The following JPH3 variants were observed in gnomAD, a reference collection of about 807,000 sequenced individuals.
JPH3 encodes the protein junctophilin 3, also known as junctophilin-3.
In JPH3, 11 loss-of-function variants were observed where a neutral mutation model predicts 59.6. That is an observed-to-expected ratio of 0.18 (90% CI 0.12 to 0.31). The LOEUF is 0.31. JPH3 is among the 10% of genes least tolerant of loss of function. JPH3 has a pLI of 1.00. For synonymous variants in JPH3, 673 were observed against 483.6 expected (o/e 1.39, Z -5.14); for missense variants, 1,202 against 1,105.7 (o/e 1.09, Z -1.24).
Position 87,644,433 on chromosome 16 carries a change from C to G in JPH3, c.558C>G (p.Ala186=), listed in dbSNP as rs771818439. 2.5e-6 allele frequency: 4 copies of G among 1,612,056 alleles called. No homozygotes were observed. In the Admixed American group the frequency reaches 5.0e-5, roughly 20 times the overall value. ...ALHPDASPAV[A]GSPAVSRGGF... is the part of the protein sequence containing the mutation. ...ATCCCGACGCCTCTCCGGCGGTGGC[C>G]GGCAGCCCGGCCGTGTCCCGCGGGG... is the stretch of plus-strand genomic sequence containing the variant. The change falls in exon 2 of 5, where the codon GCC becomes GCG. Residue 186 remains alanine (A), a synonymous_variant. Transcript: ENST00000284262.
intron 1 of JPH3, chr16:87,604,154 C>A: frequency 7.3e-7 from 1 of 1,368,748 alleles, no homozygotes; most frequent in South Asian, 1.3e-5. Context: ...CCCATCTGCT[C>A]AGTGAGAGCC....
At chr16:87,637,645 C>A (rs1344375717) in intron 1 of JPH3, among the ~76,000 whole-genome samples, 4 of 152,136 alleles carry the variant, frequency 2.6e-5, no homozygotes, top group Admixed American at 2.6e-4. Flanking sequence ...CTTTCCAGAT[C>A]TGGGACTTTC....
At chr16:87,645,721 G>A (rs900011068) in intron 2 of JPH3, among the ~76,000 whole-genome samples, 1 of 152,194 alleles carries the variant, frequency 6.6e-6, no homozygotes, top group Non-Finnish European at 1.5e-5. Context: ...GTGGGTGCAG[G>A]ATGGGGCCTT....
intron 1 of JPH3, among the ~76,000 whole-genome samples, chr16:87,621,659 G>A (rs776743110): frequency 1.3e-5 from 2 of 152,234 alleles, no homozygotes; most frequent in South Asian, 2.1e-4. Flanking sequence ...GGAAGGCTCC[G>A]GTTGAAGGGC....
intron 1 of JPH3, among the ~76,000 whole-genome samples, chr16:87,641,935 C>T (rs2031967760): frequency 6.6e-6 from 1 of 152,148 alleles, no homozygotes; most frequent in Non-Finnish European, 1.5e-5. Context: ...GGGTGCCGGG[C>T]ATGGGGGCTC....
intron 2 of JPH3, among the ~76,000 whole-genome samples, chr16:87,645,648 C>T (rs982008402): frequency 1.3e-5 from 2 of 152,154 alleles, no homozygotes; most frequent in Non-Finnish European, 2.9e-5. Flanking sequence ...CCTCTAGGCC[C>T]TAAGGAATGG....
In JPH3 at chr16:87,648,653, C is replaced by A. The variant is rs886771146; in HGVS notation, c.1160+3618C>A. Among the ~76,000 whole-genome samples the A allele has an allele frequency of 2.6e-5, 4 of 152,218 alleles. No individual in the cohort carries two copies. In the South Asian group the frequency reaches 8.3e-4, roughly 32 times the overall value. Reference sequence around the variant, plus strand: ...TCCTGCACTGCTAAGGGGACTGGCCCCGGCCCTGGGCTGGGAGAGGGGGAG... The same window carrying A: ...TCCTGCACTGCTAAGGGGACTGGCCACGGCCCTGGGCTGGGAGAGGGGGAG... On this transcript the variant is annotated intron_variant, in intron 2 of 4. Transcript: ENST00000284262.
At position 87,645,038 on chromosome 16, in the gene JPH3, A is replaced by AG. The variant is rs762504094; in HGVS notation, c.1160+5dup. The AG allele has an allele frequency of 6.3e-7, 1 of 1,598,164 alleles. No individual in the cohort carries two copies. The highest frequency in any genetic ancestry group is 2.2e-5 in the East Asian group (1 of 44,808). ...AAGGCTGAGATCGCGGCTTCCAGGTAGGAGGGCGAGGGGGCGGGGGGCCCT... is the reference window on the plus strand; with the variant it reads ...AAGGCTGAGATCGCGGCTTCCAGGTAGGGAGGGCGAGGGGGCGGGGGGCCCT... On this transcript the variant is annotated splice_donor_region_variant and intron_variant, in intron 2 of 4. Coordinates refer to ENST00000284262, the MANE Select transcript of JPH3 (RefSeq NM_020655.4).
intron 2 of JPH3, among the ~76,000 whole-genome samples, chr16:87,650,377 C>T (rs149596398): frequency 2.6e-5 from 4 of 152,306 alleles, no homozygotes; most frequent in Non-Finnish European, 5.9e-5. Flanking sequence ...TCCCCCATCC[C>T]TCTCTCTCCT....
In JPH3 at chr16:87,602,548, A is replaced by ACCGCCGCCACCG. The variant is rs2030265520; in HGVS notation, c.-591_-590insACCGCCGCCGCC. Among the ~76,000 whole-genome samples the ACCGCCGCCACCG allele has an allele frequency of 7.6e-6, 1 of 131,526 alleles. No individual in the cohort carries two copies. The highest frequency in any genetic ancestry group is 1.6e-5 in the Non-Finnish European group (1 of 61,146). 86.3% of individuals were successfully genotyped at this position (131,526 alleles called of 152,430 possible). A position where few individuals can be genotyped will look rare whatever the true frequency, so the allele number is the denominator to read the frequency against. On this transcript the variant is annotated 5_prime_UTR_variant, in exon 1 of 5. Transcript: ENST00000284262. ...GCCCGGAGCGCACGCCGCCGCCGCC[A>ACCGCCGCCACCG]CCGCCGCCGCCGCCGCCCGAGCCGC...
At chr16:87,670,857 G>C (rs1453833590) in intron 2 of JPH3, among the ~76,000 whole-genome samples, 1 of 135,358 alleles carries the variant, frequency 7.4e-6, no homozygotes. Flanking sequence ...GCTTGTATGG[G>C]GGAATGGGGA....
intron 2 of JPH3, among the ~76,000 whole-genome samples, chr16:87,663,720 C>T (rs1450869538): frequency 1.3e-5 from 2 of 152,212 alleles, no homozygotes; most frequent in East Asian, 1.9e-4. Context: ...CCGTCTCTGC[C>T]ACTCTGCACC....
chr16:87,695,305 AAAG>A (rs1195668338), intron 4 of JPH3: 1 of 456,034 alleles, frequency 2.2e-6, no homozygotes, highest in East Asian at 7.0e-5. Context: ...TTGGGGGCTT[AAAG>A]GAGTCCATGG....
intron 2 of JPH3, among the ~76,000 whole-genome samples, chr16:87,681,868 A>G (rs1195139646): frequency 6.6e-6 from 1 of 152,192 alleles, no homozygotes; most frequent in African/African-American, 2.4e-5. Flanking sequence ...TGGGTGCTGC[A>G]GCATGGCTGA....
At chr16:87,691,012 T>TG (rs1449477664) in intron 4 of JPH3, among the ~76,000 whole-genome samples, 2 of 151,404 alleles carry the variant, frequency 1.3e-5, no homozygotes, top group Non-Finnish European at 2.9e-5. Flanking sequence ...CTCTCACCCA[T>TG]GGGGGGTGTT....
At chr16:87,608,467 A>C (rs1864152) in intron 1 of JPH3, among the ~76,000 whole-genome samples, 124,182 of 152,124 alleles carry the variant, frequency 0.82, 51,128 homozygotes, top group Middle Eastern at 0.9. Context: ...TGGTAGCTTC[A>C]TGGCTGTGAG....
Position 87,690,273 on chromosome 16 carries a change from G to C in JPH3, c.1913G>C (p.Gly638Ala), listed in dbSNP as rs781608423. ...RRYSKGGACR[G>A]LGDDHRPEDR... ...TACAGCAAGGGCGGCGCCTGCCGGG[G>C]CTTGGGGGACGACCACCGCCCCGAG... Residue 638 changes from glycine (G) to alanine (A), a missense_variant, in exon 4 of 5, where the codon GGC becomes GCC. By Grantham distance (60) the Gly-to-Ala change is moderately conservative. Coordinates refer to ENST00000284262, the MANE Select transcript of JPH3 (RefSeq NM_020655.4). 85 of 1,602,054 alleles carry C rather than the reference G, an allele frequency of 5.3e-5. No individual in the cohort carries two copies. The African/African-American group carries it at 6.8e-4, about 13-fold the overall frequency.
chr16:87,676,531 C>A (rs553298645), intron 2 of JPH3, among the ~76,000 whole-genome samples: 2 of 151,798 alleles, frequency 1.3e-5, no homozygotes, highest in African/African-American at 4.8e-5. Context: ...GTCAAGAGAT[C>A]GAGATCATCT....
At chr16:87,687,352 T>C (rs1047656928) in intron 3 of JPH3, among the ~76,000 whole-genome samples, 6 of 152,186 alleles carry the variant, frequency 3.9e-5, no homozygotes, top group Admixed American at 2.0e-4. Flanking sequence ...GCCTGGGCCA[T>C]GCCGGCTTCT....
Sources: gnomAD v4.1 joint callset for allele counts (sites outside exome capture counted in the v4.1 genomes callset) on GRCh38, gnomAD v4.1.1 for gene constraint, MANE v1.5 for transcripts, NCBI Gene and HGNC (gene_info 2026-07-23, HGNC 2026-07-21) for gene names.